The following ABLIM3 variants were observed in gnomAD, a reference collection of about 807,000 sequenced individuals.
ABLIM3 encodes the protein actin-binding LIM protein 3.
Under a neutral mutation model 109.5 loss-of-function variants are expected in ABLIM3, and 61 were observed. The ratio of observed to expected loss-of-function variants is 0.56; its 90% CI spans 0.45 to 0.69. The LOEUF (loss-of-function observed/expected upper bound fraction) is 0.69. Among genes scored for constraint, ABLIM3 ranks in the 30% least tolerant of loss-of-function variants. The pLI, the probability that ABLIM3 is intolerant of heterozygous loss-of-function variation, is 0.00. For missense variants in ABLIM3, 796 were observed against 889.5 expected, an observed-to-expected ratio of 0.89 and a Z score of 1.34; for synonymous variants, 300 against 324.8, an observed-to-expected ratio of 0.92 and a Z score of 0.82.
chr5:149,247,372 G>A (rs915651227), intron 17 of ABLIM3, among the ~76,000 whole-genome samples: 19 of 152,336 alleles, frequency 1.2e-4, no homozygotes, highest in African/African-American at 4.6e-4. Flanking sequence ...AAACGAGATA[G>A]AGGTGGTAGT....
At chr5:149,213,109 T>A (rs1467731055) in intron 7 of ABLIM3, among the ~76,000 whole-genome samples, 1 of 152,038 alleles carries the variant, frequency 6.6e-6, no homozygotes, top group Non-Finnish European at 1.5e-5. Context: ...CAAGATCCTG[T>A]CCGAGGCAAG....
At position 149,210,820 on chromosome 5, in the gene ABLIM3, G is replaced by T; in HGVS notation, c.669+1G>T. ...ATACATCAGTGGCAGAGTCTTGGAG[G>T]TGAGTGGGTATAAGTAACCGTGAAG... On this transcript the variant is annotated splice_donor_variant, in intron 7 of 23. Coordinates refer to ENST00000309868, the MANE Select transcript of ABLIM3 (RefSeq NM_014945.5). LOFTEE classifies it high-confidence loss of function. 6.2e-7 allele frequency: 1 copy of T among 1,613,872 alleles called. No homozygotes were observed. The highest frequency in any genetic ancestry group is 8.5e-7 in the Non-Finnish European group (1 of 1,179,776).
chr5:149,252,254 C>T (rs1754000392), intron 22 of ABLIM3, 46 bp downstream of exon 22: 1 of 1,604,492 alleles, frequency 6.2e-7, no homozygotes, highest in South Asian at 1.1e-5. Flanking sequence ...ATTCTTGGAG[C>T]CGCTACACTG....
intron 11 of ABLIM3, among the ~76,000 whole-genome samples, 153 bp downstream of exon 11, chr5:149,237,756 A>G (rs575359991): frequency 6.6e-6 from 1 of 151,940 alleles, no homozygotes; most frequent in Non-Finnish European, 1.5e-5. Flanking sequence ...TTTTAAATGA[A>G]GAGATTTCAT....
intron 2 of ABLIM3, among the ~76,000 whole-genome samples, chr5:149,152,986 G>C (rs938821367): frequency 2.0e-5 from 3 of 152,036 alleles, no homozygotes; most frequent in African/African-American, 7.3e-5. Flanking sequence ...AGAAAGCAAA[G>C]CACAGTGTCT....
chr5:149,177,175 GC>G (rs1756013365), intron 2 of ABLIM3: 1 of 152,212 alleles, frequency 6.6e-6, no homozygotes, highest in African/African-American at 2.4e-5. Context: ...CATGGTCCCT[GC>G]CCTCATGGAG....
At chr5:149,195,558 G>A (rs1581101460) in intron 3 of ABLIM3, among the ~76,000 whole-genome samples, 2 of 152,146 alleles carry the variant, frequency 1.3e-5, no homozygotes, top group Admixed American at 1.3e-4. Flanking sequence ...TTCCTATGGT[G>A]GCCTGGATTT....
At chr5:149,153,319 C>A (rs1274901949) in intron 2 of ABLIM3, among the ~76,000 whole-genome samples, 2 of 152,220 alleles carry the variant, frequency 1.3e-5, no homozygotes, top group Non-Finnish European at 2.9e-5. Context: ...TTCCTCCACT[C>A]TCCTGTGTTC....
At chr5:149,241,552 A>C (rs1752843231) in intron 14 of ABLIM3, among the ~76,000 whole-genome samples, 1 of 152,208 alleles carries the variant, frequency 6.6e-6, no homozygotes, top group Middle Eastern at 3.2e-3. Flanking sequence ...TGAGATCAGG[A>C]GTTCGAGACC....
chr5:149,259,575 A>G lies in ABLIM3; in HGVS notation c.*1171A>G, dbSNP rs1226332704. On this transcript the variant is annotated 3_prime_UTR_variant, in exon 24 of 24. Transcript: ENST00000309868. ...ACTTTTGGAAGAGTGGCTGCTTATG[A>G]GATTCCAAAATGAAGTGTTGGCCAA... 1.3e-6 allele frequency: 2 copies of G among 1,536,132 alleles called. No homozygotes were observed. Among genetic ancestry groups the G allele is most frequent in the Admixed American group, 3.9e-5 (2 of 51,000 alleles).
intron 16 of ABLIM3, among the ~76,000 whole-genome samples, chr5:149,245,804 A>C (rs1753297352): frequency 6.6e-6 from 1 of 151,836 alleles, no homozygotes; most frequent in African/African-American, 2.4e-5. Context: ...ATCAAGATCC[A>C]CTCTGATTCA....
At chr5:149,194,641 C>T (rs1757784769) in intron 3 of ABLIM3, among the ~76,000 whole-genome samples, 1 of 152,168 alleles carries the variant, frequency 6.6e-6, no homozygotes, top group Non-Finnish European at 1.5e-5. Flanking sequence ...GTGGATGAAT[C>T]TCAACACACA....
chr5:149,224,904 A>G (rs146020016), intron 8 of ABLIM3, among the ~76,000 whole-genome samples: 24 of 152,360 alleles, frequency 1.6e-4, no homozygotes, highest in African/African-American at 5.8e-4. Context: ...TGATGTAGCC[A>G]GGATTGGAAC....
At chr5:149,237,781 C>A (rs1049079388) in intron 11 of ABLIM3, among the ~76,000 whole-genome samples, 178 bp downstream of exon 11, 1 of 152,174 alleles carries the variant, frequency 6.6e-6, no homozygotes, top group Non-Finnish European at 1.5e-5. Context: ...CTTTCTGGCT[C>A]TTCTTGAAAA....
At chr5:149,235,158 T>C (rs1762223802) in intron 10 of ABLIM3, among the ~76,000 whole-genome samples, 1 of 152,174 alleles carries the variant, frequency 6.6e-6, no homozygotes, top group Non-Finnish European at 1.5e-5. Context: ...TGCCTCATGC[T>C]CAGCTGCTCC....
At chr5:149,147,320 A>G (rs1399929369) in intron 2 of ABLIM3, among the ~76,000 whole-genome samples, 1 of 152,144 alleles carries the variant, frequency 6.6e-6, no homozygotes, top group African/African-American at 2.4e-5. Flanking sequence ...CTTTTGAGAT[A>G]ATCATATTTT....
Position 149,242,625 on chromosome 5 carries a change from G to C in ABLIM3, c.1351+87G>C, listed in dbSNP as rs1330898469. ...GCAGATGGCCCTGCACAGGCCACCA[G>C]GAGCCACAAAACACAAGGCTGCATC... On this transcript the variant is annotated intron_variant, in intron 15 of 23. Coordinates refer to ENST00000309868, the MANE Select transcript of ABLIM3 (RefSeq NM_014945.5). The C allele has an allele frequency of 9.2e-6, 13 of 1,410,774 alleles. No homozygotes were observed. In the African/African-American group the frequency reaches 1.8e-4, roughly 20 times the overall value. The allele number at this position is 1,410,774 out of a possible 1,614,324, so 87.4% of individuals were successfully genotyped here.
chr5:149,254,290 C>A (rs1314321677), intron 23 of ABLIM3, among the ~76,000 whole-genome samples: 1 of 152,102 alleles, frequency 6.6e-6, no homozygotes, highest in Non-Finnish European at 1.5e-5. Context: ...AGGGGTCACT[C>A]CCCTTGTCCT....
chr5:149,148,393 T>C (rs1753119330), intron 2 of ABLIM3, among the ~76,000 whole-genome samples: 3 of 152,120 alleles, frequency 2.0e-5, no homozygotes, highest in South Asian at 2.1e-4. Flanking sequence ...ACTGAGTCAG[T>C]ACACTCGCTT....
Sources: gnomAD v4.1 joint callset for allele counts (sites outside exome capture counted in the v4.1 genomes callset) on GRCh38, gnomAD v4.1.1 for gene constraint, MANE v1.5 for transcripts, NCBI Gene and HGNC (gene_info 2026-07-23, HGNC 2026-07-21) for gene names.